SNX10: variants seen among roughly 807,000 people sequenced by gnomAD.
SNX10 encodes the protein sorting nexin-10.
SNX10 carries 25 observed loss-of-function variants against 28.5 expected under a neutral mutation model. The observed-to-expected ratio is 0.88, with a 90% CI of 0.64 to 1.22. SNX10 has a LOEUF of 1.22. Ranked by LOEUF, SNX10 falls within the 50% of genes most tolerant of loss-of-function variation. The probability of loss-of-function intolerance (pLI) is 0.00; values close to 1 mark genes in which losing one functional copy is unlikely to be tolerated. For synonymous variants in SNX10, 62 were observed against 81.4 expected, an observed-to-expected ratio of 0.76 and a Z score of 1.28; for missense variants, 223 against 242.6, an observed-to-expected ratio of 0.92 and a Z score of 0.54.
Position 26,364,462 on chromosome 7 carries a change from A to G in SNX10, c.112-73A>G, listed in dbSNP as rs559566846. On this transcript the variant is annotated intron_variant, in intron 3 of 6. Coordinates refer to ENST00000338523, the MANE Select transcript of SNX10 (RefSeq NM_013322.3). This position sits in a 1 kb window ranked among gnomAD's most constrained non-coding sequence, Gnocchi z 4.9. ...TATTTAGAGTGAATGTTGAGATCATATTGTGAATTATAGATACAAGAAATG... is the reference window on the plus strand; with the variant it reads ...TATTTAGAGTGAATGTTGAGATCATGTTGTGAATTATAGATACAAGAAATG... 4.6e-5 allele frequency: 69 copies of G among 1,504,768 alleles called. No individual in the cohort carries two copies. The African/African-American group carries it at 7.2e-4, about 16-fold the overall frequency. The allele number at this position is 1,504,768 out of a possible 1,614,324, so 93.2% of individuals were successfully genotyped here.
intron 2 of SNX10, among the ~76,000 whole-genome samples, chr7:26,351,404 C>A (rs779830234): frequency 1.3e-5 from 2 of 152,054 alleles, no homozygotes; most frequent in East Asian, 3.9e-4. Flanking sequence ...AAATAGGTAG[C>A]CTTCCTTCCA....
intron 2 of SNX10, among the ~76,000 whole-genome samples, chr7:26,358,819 T>TTTTTTTTG (rs1788947513): frequency 6.8e-6 from 1 of 148,120 alleles, no homozygotes; most frequent in Non-Finnish European, 1.5e-5. Context: ...TTTTTTTTTT[T>TTTTTTTTG]TTTTTGACCA....
At chr7:26,307,427 A>C (rs1375904620) in intron 1 of SNX10, among the ~76,000 whole-genome samples, 1 of 152,014 alleles carries the variant, frequency 6.6e-6, no homozygotes, top group African/African-American at 2.4e-5. Flanking sequence ...CCCTGTGTCC[A>C]AGTTTTTCTT....
chr7:26,302,814 C>T (rs943473838), intron 1 of SNX10, among the ~76,000 whole-genome samples: 4 of 152,142 alleles, frequency 2.6e-5, no homozygotes, highest in African/African-American at 4.8e-5. Flanking sequence ...TTTGGGAGGC[C>T]GAGGCGGGTG....
intron 1 of SNX10, among the ~76,000 whole-genome samples, chr7:26,318,611 G>A (rs1338682512): frequency 6.6e-6 from 1 of 152,018 alleles, no homozygotes; most frequent in Non-Finnish European, 1.5e-5. Flanking sequence ...GGGATTATAG[G>A]TGCCTGCCGA....
intron 1 of SNX10, among the ~76,000 whole-genome samples, chr7:26,333,910 G>C (rs1787833034): frequency 6.6e-6 from 1 of 152,160 alleles, no homozygotes; most frequent in Non-Finnish European, 1.5e-5. Context: ...CCTGTGTGGT[G>C]GAAAGGGATG....
At chr7:26,320,649 G>T (rs1240656361) in intron 1 of SNX10, among the ~76,000 whole-genome samples, 4 of 151,908 alleles carry the variant, frequency 2.6e-5, no homozygotes, top group African/African-American at 9.7e-5. Context: ...GGCCAGGCTG[G>T]TCTTGAACTC....
At chr7:26,306,952 A>C (rs556182606) in intron 1 of SNX10, among the ~76,000 whole-genome samples, 7 of 152,184 alleles carry the variant, frequency 4.6e-5, no homozygotes, top group Non-Finnish European at 8.8e-5. Flanking sequence ...CAGAATGTGA[A>C]TTCACAACCA....
intron 4 of SNX10, 33 bp from the exon 5 acceptor site, chr7:26,365,010 TAATC>T: frequency 7.7e-7 from 1 of 1,297,566 alleles, no homozygotes; most frequent in Non-Finnish European, 1.1e-6. Flanking sequence ...CACCTTGAGT[TAATC>T]ATTTAAAAAC....
intron 5 of SNX10, among the ~76,000 whole-genome samples, chr7:26,368,883 T>C (rs531617764): frequency 5.9e-5 from 9 of 152,300 alleles, no homozygotes; most frequent in Non-Finnish European, 1.2e-4. Context: ...GTTATGTATA[T>C]ATATCATTGT....
At chr7:26,317,545 A>G (rs998479520) in intron 1 of SNX10, among the ~76,000 whole-genome samples, 3 of 152,222 alleles carry the variant, frequency 2.0e-5, no homozygotes, top group Admixed American at 6.5e-5. Flanking sequence ...TAGAAGAGAC[A>G]CTTATTTAAG....
chr7:26,348,431 AG>A (rs374629851), intron 2 of SNX10, among the ~76,000 whole-genome samples: 6 of 152,370 alleles, frequency 3.9e-5, no homozygotes, highest in African/African-American at 1.2e-4. Flanking sequence ...CACAGAACTC[AG>A]AGCTATTATC....
chr7:26,330,389 A>G (rs191828905), intron 1 of SNX10, among the ~76,000 whole-genome samples: 51 of 152,106 alleles, frequency 3.4e-4, no homozygotes, highest in African/African-American at 1.1e-3. Flanking sequence ...GACCAGGACA[A>G]TTTGGGTTCT....
chr7:26,357,477 C>CTGTATTG (rs1788874273), intron 2 of SNX10, among the ~76,000 whole-genome samples: 1 of 152,008 alleles, frequency 6.6e-6, no homozygotes, highest in South Asian at 2.1e-4. Context: ...TCATGAAAGG[C>CTGTATTG]TGTATTGTGC....
intron 1 of SNX10, among the ~76,000 whole-genome samples, chr7:26,307,595 G>A (rs886640141): frequency 3.9e-5 from 6 of 151,918 alleles, no homozygotes; most frequent in African/African-American, 1.5e-4. Flanking sequence ...CTATGGGTGC[G>A]TGCCATGAAA....
chr7:26,308,735 A>C (rs965113533), intron 1 of SNX10, among the ~76,000 whole-genome samples: 1 of 152,162 alleles, frequency 6.6e-6, no homozygotes, highest in African/African-American at 2.4e-5. Flanking sequence ...TGGGATCCCC[A>C]GTTTATAGCC....
intron 2 of SNX10, among the ~76,000 whole-genome samples, chr7:26,351,295 C>T (rs1329557814): frequency 2.6e-5 from 4 of 152,222 alleles, no homozygotes; most frequent in Admixed American, 2.0e-4. Flanking sequence ...AACACTTCCT[C>T]AGCCAGGTGA....
intron 1 of SNX10, among the ~76,000 whole-genome samples, chr7:26,318,341 C>CATGTAT (rs1389029948): frequency 1.3e-5 from 2 of 152,138 alleles, no homozygotes; most frequent in African/African-American, 2.4e-5. Flanking sequence ...TGAAGATGTA[C>CATGTAT]ATGTATATGC....
chr7:26,338,209 C>T (rs1240416976), intron 1 of SNX10, among the ~76,000 whole-genome samples: 2 of 150,796 alleles, frequency 1.3e-5, no homozygotes, highest in East Asian at 3.9e-4. Context: ...CTCTGCCTCC[C>T]TGGCTCAAGC....
Sources: allele counts gnomAD v4.1 joint callset (sites outside exome capture counted in the v4.1 genomes callset), GRCh38; gene constraint gnomAD v4.1.1; non-coding constraint Gnocchi (gnomAD v3.1); transcripts MANE v1.5; gene names NCBI Gene and HGNC (gene_info 2026-07-23, HGNC 2026-07-21).